FAAH2: variants seen among roughly 807,000 people sequenced by gnomAD.
FAAH2 encodes the protein fatty acid amide hydrolase 2.
Under a neutral mutation model 36.9 loss-of-function variants are expected in FAAH2, and 60 were observed. The ratio of observed to expected loss-of-function variants is 1.63; its 90% CI spans 1.32 to 2.02. The LOEUF (loss-of-function observed/expected upper bound fraction) is 2.02, where lower values mean the gene tolerates loss of function less well. Ranked by LOEUF, FAAH2 falls within the 30% of genes most tolerant of loss-of-function variation. The pLI is 0.00. For missense variants in FAAH2, 689 were observed against 397.5 expected (o/e 1.73, Z -6.23); for synonymous variants, 214 against 143.8 (o/e 1.49, Z -3.49).
At chrX:57,145,097 G>C in the FAAH2 span, among the ~76,000 whole-genome samples, 32 of 111,701 alleles carry the variant, frequency 2.9e-4, no homozygotes, top group South Asian at 7.4e-4. Flanking sequence ...TGGATCAAAT[G>C]TTAGTTCTAC....
chrX:57,287,595 A>G (rs185625809), intron 1 of FAAH2, among the ~76,000 whole-genome samples: 2 of 112,072 alleles, frequency 1.8e-5, no homozygotes, highest in South Asian at 3.8e-4. Flanking sequence ...TATTTTATGC[A>G]TAAGGAAACT....
the FAAH2 span, among the ~76,000 whole-genome samples, chrX:57,141,532 T>C: frequency 3.6e-5 from 4 of 111,653 alleles, no homozygotes; most frequent in Non-Finnish European, 7.5e-5. Context: ...AAATTTTTGG[T>C]AGAATTCAGC....
At chrX:57,371,572 C>A (rs2054551681) in intron 5 of FAAH2, among the ~76,000 whole-genome samples, 1 of 104,892 alleles carries the variant, frequency 9.5e-6, no homozygotes, top group Non-Finnish European at 2.0e-5. Context: ...TTAGGTAGAA[C>A]AATATTTGGC....
At chrX:57,365,578 GTT>G (rs2054393267) in intron 5 of FAAH2, among the ~76,000 whole-genome samples, 1 of 111,619 alleles carries the variant, frequency 9.0e-6, no homozygotes, top group Admixed American at 9.5e-5. Flanking sequence ...GGTTCTCTGC[GTT>G]TCCTATATTT....
chrX:57,306,126 G>A (rs766383496), intron 2 of FAAH2, among the ~76,000 whole-genome samples: 1 of 111,834 alleles, frequency 8.9e-6, no homozygotes, highest in South Asian at 3.7e-4. Context: ...TTTCCAGAAA[G>A]TGGGTAACTT....
chrX:57,404,976 C>A (rs1330230911), intron 7 of FAAH2, among the ~76,000 whole-genome samples: 1 of 111,702 alleles, frequency 9.0e-6, no homozygotes, highest in Non-Finnish European at 1.9e-5. Context: ...TGGTTCCAGG[C>A]AGACCAACAC....
chrX:57,124,566 A>T, the FAAH2 span, among the ~76,000 whole-genome samples: 1 of 111,610 alleles, frequency 9.0e-6, no homozygotes, highest in Non-Finnish European at 1.9e-5. Flanking sequence ...TTAATGGGGA[A>T]CGCATTGAAT....
intron 10 of FAAH2, among the ~76,000 whole-genome samples, chrX:57,479,875 AAAG>A (rs2057347113): frequency 2.7e-5 from 3 of 111,708 alleles, no homozygotes; most frequent in African/African-American, 9.8e-5. Flanking sequence ...CAAGACTAAT[AAAG>A]AAGAAAAGAG....
chrX:57,270,619 C>T, the FAAH2 span, among the ~76,000 whole-genome samples: 2 of 111,751 alleles, frequency 1.8e-5, no homozygotes, highest in African/African-American at 6.5e-5. Flanking sequence ...TTCTGCATTT[C>T]CAACTGACGT....
the FAAH2 span, among the ~76,000 whole-genome samples, chrX:57,251,739 C>T: frequency 1.8e-5 from 2 of 111,528 alleles, no homozygotes; most frequent in Admixed American, 1.9e-4. Context: ...CCAAGACGGC[C>T]GAATAGGAAC....
intron 8 of FAAH2, among the ~76,000 whole-genome samples, chrX:57,436,102 G>T (rs1162489912): frequency 9.0e-6 from 1 of 111,091 alleles, no homozygotes; most frequent in Non-Finnish European, 1.9e-5. Context: ...AATCAAACAT[G>T]TTCCTTAATG....
chrX:57,271,154 G>T, the FAAH2 span, among the ~76,000 whole-genome samples: 1 of 112,376 alleles, frequency 8.9e-6, no homozygotes, highest in Non-Finnish European at 1.9e-5. Flanking sequence ...GGAGGGAGGG[G>T]CATCTGCCAT....
chrX:57,230,870 T>G, the FAAH2 span, among the ~76,000 whole-genome samples: 3 of 111,761 alleles, frequency 2.7e-5, no homozygotes, highest in African/African-American at 9.7e-5. Flanking sequence ...ACAATCCTGG[T>G]GAATTTGTTT....
At chrX:57,468,699 C>T in intron 10 of FAAH2, among the ~76,000 whole-genome samples, 1 of 111,445 alleles carries the variant, frequency 9.0e-6, no homozygotes. Context: ...GGAGAACTTC[C>T]CCAATCTAGC....
intron 5 of FAAH2, among the ~76,000 whole-genome samples, chrX:57,373,974 G>T (rs1425297020): frequency 1.8e-5 from 2 of 111,124 alleles, no homozygotes; most frequent in Non-Finnish European, 3.8e-5. Flanking sequence ...GTTGAATAGG[G>T]TGTCCTTTTC....
At chrX:57,250,205 A>C in the FAAH2 span, among the ~76,000 whole-genome samples, 1 of 112,360 alleles carries the variant, frequency 8.9e-6, no homozygotes, top group Non-Finnish European at 1.9e-5. Context: ...TATATATTCT[A>C]TACAACTAAA....
chrX:57,232,211 A>T, the FAAH2 span, among the ~76,000 whole-genome samples: 1 of 112,014 alleles, frequency 8.9e-6, no homozygotes, highest in African/African-American at 3.2e-5. Flanking sequence ...TGACAATTCC[A>T]TTTGGATTTG....
chrX:57,407,623 T>C (rs2055599878), intron 7 of FAAH2, among the ~76,000 whole-genome samples: 1 of 111,586 alleles, frequency 9.0e-6, no homozygotes. Flanking sequence ...CCACTCGGGG[T>C]GACTGCTCAC....
intron 3 of FAAH2, among the ~76,000 whole-genome samples, chrX:57,322,254 T>C (rs1284941611): frequency 1.8e-5 from 2 of 111,861 alleles, no homozygotes; most frequent in Non-Finnish European, 3.8e-5. Context: ...CCTCCCAAAG[T>C]GCTGGGATTA....
Sources: allele counts gnomAD v4.1 joint callset (sites outside exome capture counted in the v4.1 genomes callset), GRCh38; gene constraint gnomAD v4.1.1; transcripts MANE v1.5; gene names NCBI Gene and HGNC (gene_info 2026-07-23, HGNC 2026-07-21).